Variants in MAGI2 observed in about 807,000 individuals in gnomAD.
MAGI2 encodes membrane associated guanylate kinase, WW and PDZ domain containing 2.
A neutral mutation model predicts 133.3 loss-of-function variants in MAGI2; 35 were observed. That is an observed-to-expected ratio of 0.26 (90% CI 0.20 to 0.35). The LOEUF is 0.35. Ranked by LOEUF, MAGI2 falls within the 10% of genes least tolerant of loss-of-function variation. The pLI is 1.00. For synonymous variants in MAGI2, 729 were observed against 710.6 expected, an observed-to-expected ratio of 1.03 and a Z score of -0.41; for missense variants, 1,636 against 1,863.4, an observed-to-expected ratio of 0.88 and a Z score of 2.25.
chr7:78,374,450 G>T (rs1228079729), intron 6 of MAGI2, among the ~76,000 whole-genome samples: 1 of 152,036 alleles, frequency 6.6e-6, no homozygotes, highest in Non-Finnish European at 1.5e-5. Flanking sequence ...TATGGATTTT[G>T]GGTATTAGAT....
chr7:78,244,167 T>TAAAAAAAAAAA (rs535442682), intron 10 of MAGI2, among the ~76,000 whole-genome samples: 63 of 68,804 alleles, frequency 9.2e-4, no homozygotes, highest in Non-Finnish European at 1.3e-3. Flanking sequence ...CTATTTAAAT[T>TAAAAAAAAAAA]AAAAAAAAAA....
At chr7:78,055,051 T>TG (rs1812422338) in intron 21 of MAGI2, among the ~76,000 whole-genome samples, 1 of 151,902 alleles carries the variant, frequency 6.6e-6, no homozygotes, top group Non-Finnish European at 1.5e-5. Flanking sequence ...TACAGGCGTG[T>TG]GTTTTTTTTA....
In MAGI2 at chr7:78,501,775, T is replaced by C. The variant is rs746890826; in HGVS notation, c.767A>G (p.His256Arg). 15 of 1,613,412 alleles carry C rather than the reference T, an allele frequency of 9.3e-6. No individual in the cohort carries two copies. The highest frequency in any genetic ancestry group is 6.7e-5 in the Admixed American group (4 of 59,998). Residue 256 changes from histidine (H) to arginine (R), a missense_variant, in exon 5 of 22, where the codon CAT becomes CGT. Coordinates refer to ENST00000354212, the MANE Select transcript of MAGI2 (RefSeq NM_012301.4). Reference sequence around the variant, plus strand: ...TGAGGCACCTGCACTTTTGTCTTCATGTTCACTGGATTCTATAAGAGAACA... The same window carrying C: ...TGAGGCACCTGCACTTTTGTCTTCACGTTCACTGGATTCTATAAGAGAACA... The part of the protein sequence containing the change: ...GVVVTPESSE[H>R]EDKSAGASGE...
chr7:79,059,698 T>C (rs1233342678), intron 1 of MAGI2, among the ~76,000 whole-genome samples: 2 of 152,150 alleles, frequency 1.3e-5, no homozygotes, highest in Non-Finnish European at 2.9e-5. Context: ...AGCATATATT[T>C]AAACTTATGA....
chr7:78,537,170 TACACACACAC>T lies in MAGI2; in HGVS notation c.539-15535_539-15526del, dbSNP rs3086437. 1.4e-3 allele frequency among the ~76,000 whole-genome samples: 200 copies of T among 146,296 alleles called. 6 individuals carry two copies. The East Asian group carries it at 0.032, about 23-fold the overall frequency. ...TTTTTATGGCTGAATAGTATTCCAC[TACACACACAC>T]ACACACACACACACACACACACACA... On this transcript the variant is annotated intron_variant, in intron 3 of 21. Coordinates refer to ENST00000354212, the MANE Select transcript of MAGI2 (RefSeq NM_012301.4).
chr7:78,450,682 T>C (rs376423110), intron 6 of MAGI2, among the ~76,000 whole-genome samples: 4 of 152,214 alleles, frequency 2.6e-5, no homozygotes, highest in African/African-American at 9.6e-5. Context: ...TTTGTCACTT[T>C]TGTTGGCACA....
chr7:78,474,924 G>A (rs1340458780), intron 6 of MAGI2, among the ~76,000 whole-genome samples: 1 of 151,632 alleles, frequency 6.6e-6, no homozygotes, highest in Non-Finnish European at 1.5e-5. Flanking sequence ...TTAAACTATT[G>A]GAAAGCTATT....
intron 2 of MAGI2, among the ~76,000 whole-genome samples, chr7:78,815,666 C>T (rs563346315): frequency 1.6e-4 from 24 of 152,202 alleles, no homozygotes; most frequent in South Asian, 2.1e-4. Flanking sequence ...ATATTTGTCA[C>T]GGTGATCTGT....
chr7:78,478,176 T>C lies in MAGI2; in HGVS notation c.1045+11585A>G, dbSNP rs553224352. Among the ~76,000 whole-genome samples, 19 of 151,998 alleles carry C rather than the reference T, an allele frequency of 1.3e-4. 1 individual carries two copies. Among genetic ancestry groups the C allele is most frequent in the African/African-American group, 4.3e-4 (18 of 41,520 alleles). ...CTTATGAGTGATTTGGTATTTGGTA[T>C]GCGGAAAACCAAATATGTGGTATTT... On this transcript the variant is annotated intron_variant, in intron 6 of 21. Transcript: ENST00000354212.
chr7:79,442,863 C>G (rs543016380), intron 1 of MAGI2, among the ~76,000 whole-genome samples: 1 of 152,146 alleles, frequency 6.6e-6, no homozygotes, highest in African/African-American at 2.4e-5. Flanking sequence ...TTTAGTGACC[C>G]TCCAAGCCTA....
chr7:79,240,610 T>C (rs1016124041), intron 1 of MAGI2, among the ~76,000 whole-genome samples: 20 of 152,188 alleles, frequency 1.3e-4, no homozygotes, highest in African/African-American at 4.6e-4. Context: ...ATCTCTTCTT[T>C]GATATGAATC....
rs185242663 is a variant in MAGI2, at chr7:79,167,782, C to G, written c.302-160576G>C. 1.1e-3 allele frequency among the ~76,000 whole-genome samples: 170 copies of G among 152,132 alleles called. 1 individual carries two copies. The highest frequency in any genetic ancestry group is 5.7e-4 in the Non-Finnish European group (39 of 67,974). On this transcript the variant is annotated intron_variant, in intron 1 of 21. Coordinates refer to ENST00000354212, the MANE Select transcript of MAGI2 (RefSeq NM_012301.4). ...TATGCCCACCACTGTTGGGAACAGT[C>G]CCCCCAAAATCTGGCCATAAACTGG...
At chr7:79,186,187 G>A (rs1827074053) in intron 1 of MAGI2, among the ~76,000 whole-genome samples, 1 of 98,446 alleles carries the variant, frequency 1.0e-5, no homozygotes, top group Non-Finnish European at 1.9e-5. Flanking sequence ...TATTTGCCTG[G>A]GAAAATATAT....
At chr7:78,425,027 G>T (rs1374034765) in intron 6 of MAGI2, among the ~76,000 whole-genome samples, 2 of 152,128 alleles carry the variant, frequency 1.3e-5, no homozygotes, top group Non-Finnish European at 2.9e-5. Context: ...TGAGATTTGG[G>T]AGGGGCCAGG....
intron 1 of MAGI2, among the ~76,000 whole-genome samples, chr7:79,057,959 A>T (rs1400255157): frequency 8.8e-6 from 1 of 114,124 alleles, no homozygotes; most frequent in Non-Finnish European, 1.7e-5. Flanking sequence ...GGGCTCTATT[A>T]GTTTTTTTTT....
intron 3 of MAGI2, among the ~76,000 whole-genome samples, chr7:78,532,159 T>C (rs1020578630): frequency 6.6e-6 from 1 of 152,126 alleles, no homozygotes; most frequent in African/African-American, 2.4e-5. Flanking sequence ...AATACAGAAT[T>C]AGGACATACC....
chr7:79,008,454 C>T (rs1807695103), intron 1 of MAGI2, among the ~76,000 whole-genome samples: 1 of 152,084 alleles, frequency 6.6e-6, no homozygotes, highest in African/African-American at 2.4e-5. Flanking sequence ...CAATAAGATG[C>T]CATTTTTAAC....
intron 6 of MAGI2, among the ~76,000 whole-genome samples, chr7:78,482,118 T>C (rs1464216718): frequency 6.6e-6 from 1 of 151,890 alleles, no homozygotes; most frequent in Non-Finnish European, 1.5e-5. Context: ...AATTAGGATA[T>C]AGATATGACA....
chr7:79,377,602 C>T (rs73157878), intron 1 of MAGI2, among the ~76,000 whole-genome samples: 22,040 of 151,654 alleles, frequency 0.15, 1,711 homozygotes, highest in South Asian at 0.25. Context: ...AAGTGAGCAA[C>T]GCAATCAAGC....
Sources: allele counts gnomAD v4.1 joint callset (sites outside exome capture counted in the v4.1 genomes callset), GRCh38; gene constraint gnomAD v4.1.1; transcripts MANE v1.5; gene names NCBI Gene and HGNC (gene_info 2026-07-23, HGNC 2026-07-21).